Variants in COG6 observed in about 807,000 individuals in gnomAD.
COG6 encodes the protein conserved oligomeric Golgi complex subunit 6.
Under a neutral mutation model 88.8 loss-of-function variants are expected in COG6, and 74 were observed. The observed-to-expected ratio is 0.83, with a 90% CI of 0.69 to 1.01. The LOEUF is 1.01. COG6 is among the 50% of genes least tolerant of loss of function. The pLI is 0.00. For missense variants in COG6, 800 were observed against 797.9 expected (o/e 1.00, Z -0.03); for synonymous variants, 286 against 278.7 (o/e 1.03, Z -0.26).
chr13:39,723,246 T>C (rs1878943915), intron 15 of COG6, 87 bp from the exon 16 acceptor site: 1 of 789,750 alleles, frequency 1.3e-6, no homozygotes, highest in African/African-American at 1.7e-5. Flanking sequence ...TCCCTGTGCC[T>C]CATCATCAGT....
At chr13:39,683,579 G>A (rs1376406523) in intron 8 of COG6, among the ~76,000 whole-genome samples, 1 of 152,130 alleles carries the variant, frequency 6.6e-6, no homozygotes, top group Non-Finnish European at 1.5e-5. Context: ...TTGATCAGCA[G>A]CTTAACAGTT....
chr13:39,684,149 T>C (rs1876484481), intron 8 of COG6, among the ~76,000 whole-genome samples: 1 of 151,442 alleles, frequency 6.6e-6, no homozygotes, highest in African/African-American at 2.4e-5. Flanking sequence ...GGAAAAAGCT[T>C]GAAAGATAAA....
chr13:39,734,284 T>A (rs1380166268), intron 18 of COG6, among the ~76,000 whole-genome samples: 2 of 152,076 alleles, frequency 1.3e-5, no homozygotes, highest in African/African-American at 4.8e-5. Flanking sequence ...ATCCCATTGG[T>A]TTTGGTATGT....
At chr13:39,674,280 C>T (rs192639206) in intron 4 of COG6, among the ~76,000 whole-genome samples, 3 of 148,024 alleles carry the variant, frequency 2.0e-5, no homozygotes, top group Admixed American at 1.4e-4. Context: ...AGTGATGAAT[C>T]GACATGTTTC....
intron 3 of COG6, among the ~76,000 whole-genome samples, chr13:39,662,272 G>A (rs376967513): frequency 2.2e-4 from 34 of 151,486 alleles, no homozygotes; most frequent in African/African-American, 5.3e-4. Context: ...GATTACAGGC[G>A]CCTGACACCA....
At chr13:39,708,971 C>T (rs955893090) in intron 13 of COG6, among the ~76,000 whole-genome samples, 4 of 152,008 alleles carry the variant, frequency 2.6e-5, no homozygotes, top group South Asian at 2.1e-4. Flanking sequence ...ATACTTATCT[C>T]GGGTGAGCAA....
downstream of COG6, among the ~76,000 whole-genome samples, chr13:39,755,369 C>T (rs949483124): frequency 6.6e-6 from 1 of 152,078 alleles, no homozygotes; most frequent in African/African-American, 2.4e-5. Flanking sequence ...TGTCTGATAG[C>T]TCCCAGGAAA....
intron 13 of COG6, 125 bp downstream of exon 13, chr13:39,699,743 A>G (rs1021160613): frequency 1.6e-6 from 1 of 641,708 alleles, no homozygotes; most frequent in Non-Finnish European, 2.8e-6. Context: ...TCTTCCTGTC[A>G]CCAACAACTT....
intron 15 of COG6, among the ~76,000 whole-genome samples, chr13:39,722,224 G>A (rs181599842): frequency 1.3e-5 from 2 of 151,264 alleles, no homozygotes; most frequent in East Asian, 3.9e-4. Flanking sequence ...TTCATTGAGT[G>A]TTTACCTTTG....
chr13:39,728,767 C>T (rs1411156598), intron 18 of COG6, among the ~76,000 whole-genome samples: 1 of 151,660 alleles, frequency 6.6e-6, no homozygotes, highest in African/African-American at 2.4e-5. Flanking sequence ...CAGGTTCAAG[C>T]GATTCTCCTG....
chr13:39,691,177 A>G (rs577072262), intron 11 of COG6, among the ~76,000 whole-genome samples: 9 of 151,810 alleles, frequency 5.9e-5, no homozygotes, highest in African/African-American at 2.2e-4. Context: ...AAATACTATA[A>G]TTTTAGAATC....
intron 18 of COG6, among the ~76,000 whole-genome samples, chr13:39,748,471 C>T (rs972448217): frequency 6.6e-5 from 10 of 151,884 alleles, no homozygotes; most frequent in African/African-American, 2.2e-4. Context: ...AAAAATTAGG[C>T]AGGCATGGTG....
chr13:39,687,818 T>C lies in COG6; in HGVS notation c.1009+19T>C, dbSNP rs1876753094. ...ACACAAGGTGGGTCCACCAATTGTA[T>C]TGCTAATGCCTAAATATAGAAAATA... On this transcript the variant is annotated intron_variant, in intron 10 of 18. Coordinates refer to ENST00000455146, the MANE Select transcript of COG6 (RefSeq NM_020751.3). The C allele has an allele frequency of 4.0e-6, 6 of 1,493,702 alleles. No individual in the cohort carries two copies. Among genetic ancestry groups the C allele is most frequent in the Middle Eastern group, 1.8e-4 (1 of 5,502 alleles). 92.5% of individuals were successfully genotyped at this position (1,493,702 alleles called of 1,614,324 possible). A position where few individuals can be genotyped will look rare whatever the true frequency, so the allele number is the denominator to read the frequency against.
chr13:39,711,725 A>T (rs1033749091), intron 13 of COG6, among the ~76,000 whole-genome samples: 5 of 152,214 alleles, frequency 3.3e-5, no homozygotes, highest in Admixed American at 6.5e-5. Context: ...TCACATTACA[A>T]AATACTCATT....
chr13:39,742,331 A>C (rs1020880319), intron 18 of COG6, among the ~76,000 whole-genome samples: 5 of 152,090 alleles, frequency 3.3e-5, no homozygotes, highest in Admixed American at 2.6e-4. Context: ...GAGTCAAGAC[A>C]CATCAGTGTG....
chr13:39,725,355 C>T (rs1472625394), intron 17 of COG6, among the ~76,000 whole-genome samples: 2 of 151,876 alleles, frequency 1.3e-5, no homozygotes. Context: ...GTGGGTTTAA[C>T]TACTGTACTA....
intron 18 of COG6, among the ~76,000 whole-genome samples, chr13:39,757,959 T>C (rs966178547): frequency 3.3e-5 from 5 of 152,148 alleles, no homozygotes; most frequent in African/African-American, 1.2e-4. Flanking sequence ...CAGTGGCTCA[T>C]GCCTGTAATC....
chr13:39,689,939 T>C, intron 11 of COG6, 115 bp downstream of exon 11: 1 of 674,914 alleles, frequency 1.5e-6, no homozygotes, highest in Admixed American at 2.6e-5. Flanking sequence ...TTTTTCAAAT[T>C]AGCACACTAA....
intron 18 of COG6, among the ~76,000 whole-genome samples, chr13:39,787,863 A>AT (rs1881823328): frequency 6.6e-6 from 1 of 152,212 alleles, no homozygotes; most frequent in Non-Finnish European, 1.5e-5. Context: ...TAGAAATACT[A>AT]TACCATTTTA....
Sources: allele counts gnomAD v4.1 joint callset (sites outside exome capture counted in the v4.1 genomes callset), GRCh38; gene constraint gnomAD v4.1.1; transcripts MANE v1.5; gene names NCBI Gene and HGNC (gene_info 2026-07-23, HGNC 2026-07-21).